The following PID1 variants were observed in gnomAD, a reference collection of about 807,000 sequenced individuals.
The protein encoded by PID1 is phosphotyrosine interaction domain containing 1.
In PID1, 10 loss-of-function variants were observed where a neutral mutation model predicts 19.1. The observed-to-expected ratio is 0.52, with a 90% CI of 0.32 to 0.89. The LOEUF is 0.89. Ranked by LOEUF, PID1 falls within the 40% of genes least tolerant of loss-of-function variation. The pLI is 0.03. For synonymous variants in PID1, 130 were observed against 116.0 expected (o/e 1.12, Z -0.78); for missense variants, 248 against 285.3 (o/e 0.87, Z 0.94).
chr2:229,045,735 C>G (rs1693861914), intron 2 of PID1, among the ~76,000 whole-genome samples: 1 of 152,222 alleles, frequency 6.6e-6, no homozygotes, highest in Non-Finnish European at 1.5e-5. Context: ...TTTCAGGAGA[C>G]TTCAATCAAC....
chr2:229,054,692 G>T (rs1694059223), intron 2 of PID1, among the ~76,000 whole-genome samples: 2 of 121,680 alleles, frequency 1.6e-5, no homozygotes, highest in Admixed American at 1.0e-4. Context: ...CTAGGTAAAT[G>T]ACAGTAATGC....
At chr2:229,188,780 C>G (rs1691191749) in intron 1 of PID1, among the ~76,000 whole-genome samples, 1 of 151,654 alleles carries the variant, frequency 6.6e-6, no homozygotes, top group African/African-American at 2.4e-5. Flanking sequence ...GAAGGTAACA[C>G]CACTCAGAGC....
chr2:229,232,431 CAAAAAAA>C (rs386392861), intron 1 of PID1, among the ~76,000 whole-genome samples: 3 of 41,356 alleles, frequency 7.3e-5, no homozygotes, highest in Admixed American at 9.7e-4. Flanking sequence ...GACTCCATCT[CAAAAAAA>C]AAAAAAAAAA....
intron 1 of PID1, among the ~76,000 whole-genome samples, chr2:229,234,248 A>G (rs1692276204): frequency 6.6e-6 from 1 of 152,230 alleles, no homozygotes; most frequent in Non-Finnish European, 1.5e-5. Flanking sequence ...CTTCAGGTAT[A>G]GGATTTAAAG....
intron 2 of PID1, among the ~76,000 whole-genome samples, chr2:229,053,799 C>T (rs1231268389): frequency 6.6e-6 from 1 of 152,170 alleles, no homozygotes; most frequent in African/African-American, 2.4e-5. Context: ...CCATTAAGTA[C>T]ATTCTTTCTA....
chr2:229,049,628 T>A (rs1017756771), intron 2 of PID1, among the ~76,000 whole-genome samples: 9 of 93,242 alleles, frequency 9.7e-5, no homozygotes, highest in Non-Finnish European at 2.0e-5. Flanking sequence ...GAGCTTAATA[T>A]AGTATAAGAT....
At chr2:229,189,856 G>A (rs987414533) in intron 1 of PID1, among the ~76,000 whole-genome samples, 1 of 152,220 alleles carries the variant, frequency 6.6e-6, no homozygotes, top group Non-Finnish European at 1.5e-5. Flanking sequence ...GGGTGCATGA[G>A]ATGATTTAAT....
intron 2 of PID1, among the ~76,000 whole-genome samples, chr2:229,072,788 G>A (rs1694483794): frequency 6.6e-6 from 1 of 152,132 alleles, no homozygotes; most frequent in African/African-American, 2.4e-5. Flanking sequence ...GTGCCCCCAT[G>A]AACACCTAGA....
chr2:229,117,408 C>G (rs908711542), intron 2 of PID1, among the ~76,000 whole-genome samples: 1 of 152,114 alleles, frequency 6.6e-6, no homozygotes, highest in Non-Finnish European at 1.5e-5. Context: ...GTATCCCCTA[C>G]CAGCCACCTT....
intron 1 of PID1, among the ~76,000 whole-genome samples, chr2:229,234,204 C>A (rs1370150554): frequency 1.3e-5 from 2 of 152,014 alleles, no homozygotes; most frequent in Admixed American, 1.3e-4. Flanking sequence ...CCATGGAGGG[C>A]CCTGAAAGAA....
intron 2 of PID1, among the ~76,000 whole-genome samples, chr2:229,058,881 A>G (rs995359303): frequency 6.6e-5 from 10 of 152,208 alleles, no homozygotes; most frequent in African/African-American, 2.2e-4. Flanking sequence ...AAAGAGCTTC[A>G]GAAGTCCGTG....
At chr2:229,112,826 T>G (rs1695325852) in intron 2 of PID1, among the ~76,000 whole-genome samples, 1 of 152,074 alleles carries the variant, frequency 6.6e-6, no homozygotes, top group South Asian at 2.1e-4. Context: ...TGTCTTTCTC[T>G]GAAAACCCTA....
intron 2 of PID1, among the ~76,000 whole-genome samples, chr2:229,037,090 C>T (rs1014157326): frequency 6.6e-6 from 1 of 152,144 alleles, no homozygotes; most frequent in African/African-American, 2.4e-5. Context: ...CACATATATG[C>T]ACATGCCTTG....
chr2:229,111,336 A>G (rs887217855), intron 2 of PID1, among the ~76,000 whole-genome samples: 10 of 152,206 alleles, frequency 6.6e-5, no homozygotes, highest in Non-Finnish European at 1.5e-4. Context: ...TGAGGCAGGA[A>G]AGAAGTTCCA....
At chr2:229,042,703 C>T (rs1693795544) in intron 2 of PID1, among the ~76,000 whole-genome samples, 1 of 152,174 alleles carries the variant, frequency 6.6e-6, no homozygotes, top group South Asian at 2.1e-4. Context: ...ATTCTACCTT[C>T]TCTTTACAAA....
At position 229,271,148 on chromosome 2, in the gene PID1, G is replaced by A; in HGVS notation, c.-105C>T. The A allele has an allele frequency of 2.3e-6, 3 of 1,310,112 alleles. No homozygotes were observed. In the South Asian group the frequency reaches 4.0e-5, roughly 18 times the overall value. The allele number at this position is 1,310,112 out of a possible 1,614,324, so 81.2% of individuals were successfully genotyped here. ...TTTACATCTGGGGTCGGTGTCCGCG[G>A]GATGTGCGTCCTGGCGCTGGCCACC... On this transcript the variant is annotated 5_prime_UTR_variant, in exon 1 of 3. Transcript: ENST00000392055.
At chr2:229,108,036 C>G (rs1695213690) in intron 2 of PID1, among the ~76,000 whole-genome samples, 1 of 152,156 alleles carries the variant, frequency 6.6e-6, no homozygotes, top group African/African-American at 2.4e-5. Flanking sequence ...ATTTAGCCTT[C>G]TCAGCTCTCT....
At chr2:229,180,082 G>A (rs151214818) in intron 1 of PID1, among the ~76,000 whole-genome samples, 19 of 152,252 alleles carry the variant, frequency 1.2e-4, no homozygotes, top group African/African-American at 4.1e-4. Context: ...TTCGTATACA[G>A]GTCCCAAATC....
At chr2:229,128,373 T>C (rs1419950) in intron 2 of PID1, among the ~76,000 whole-genome samples, 14,755 of 152,262 alleles carry the variant, frequency 0.097, 879 homozygotes, top group East Asian at 0.26. Context: ...CTAGCTGTTG[T>C]ATTCCAGTAA....
Sources: gnomAD v4.1 joint callset for allele counts (sites outside exome capture counted in the v4.1 genomes callset) on GRCh38, gnomAD v4.1.1 for gene constraint, MANE v1.5 for transcripts, NCBI Gene and HGNC (gene_info 2026-07-23, HGNC 2026-07-21) for gene names.